BBX: variants seen among roughly 807,000 people sequenced by gnomAD.
BBX encodes BBX high mobility group box domain containing, also known as HMG box transcription factor BBX.
In BBX, 30 loss-of-function variants were observed where a neutral mutation model predicts 100.2. The ratio of observed to expected loss-of-function variants is 0.30; its 90% CI spans 0.22 to 0.41. The LOEUF is 0.41. Among genes scored for constraint, BBX ranks in the 10% least tolerant of loss-of-function variants. The pLI is 1.00. For missense variants in BBX, 1,023 were observed against 1,129.8 expected (o/e 0.91, Z 1.35); for synonymous variants, 376 against 388.1 (o/e 0.97, Z 0.37).
In BBX at chr3:107,728,840, A is replaced by C. The variant is rs765287405; in HGVS notation, c.481A>C (p.Thr161Pro). The C allele has an allele frequency of 1.2e-6, 2 of 1,613,940 alleles. No homozygotes were observed. Among genetic ancestry groups the C allele is most frequent in the South Asian group, 2.2e-5 (2 of 91,072 alleles). The change falls in exon 6 of 18, where the codon ACA becomes CCA. Residue 161 changes from threonine (T) to proline (P), a missense_variant. This residue lies in a region of BBX where 229 missense variants were observed against 226.3 expected (regional missense o/e 1.01). Transcript: ENST00000325805. The part of the protein sequence containing the change: ...PTTNKPVKSP[T>P]PTVNPRKKLW... ...CACAAACAAGCCTGTGAAATCCCCAACACCCACTGTCAATCCACGAAAGAA... is the reference window on the plus strand; with the variant it reads ...CACAAACAAGCCTGTGAAATCCCCACCACCCACTGTCAATCCACGAAAGAA...
chr3:107,524,890 G>A (rs2047639604), intron 1 of BBX, among the ~76,000 whole-genome samples: 1 of 151,618 alleles, frequency 6.6e-6, no homozygotes, highest in South Asian at 2.1e-4. Flanking sequence ...CATTGGCCTG[G>A]GGCTTTGAAA....
intron 4 of BBX, among the ~76,000 whole-genome samples, chr3:107,712,679 G>A (rs533948069): frequency 3.6e-4 from 54 of 152,048 alleles, no homozygotes; most frequent in African/African-American, 1.1e-3. Flanking sequence ...CCTCTCTCCC[G>A]GCCTCTGCTC....
chr3:107,782,626 AC>A (rs2068011683), intron 13 of BBX, among the ~76,000 whole-genome samples: 1 of 151,958 alleles, frequency 6.6e-6, no homozygotes, highest in South Asian at 2.1e-4. Context: ...TTTTCAGCAA[AC>A]CTTGAACAAG....
intron 10 of BBX, among the ~76,000 whole-genome samples, chr3:107,762,559 A>G (rs1036140911): frequency 1.3e-5 from 2 of 152,230 alleles, no homozygotes; most frequent in Non-Finnish European, 2.9e-5. Flanking sequence ...CACTGCTAAA[A>G]TGCCATCCTA....
chr3:107,804,770 C>CATGTG (rs2070912094), intron 17 of BBX, among the ~76,000 whole-genome samples: 2 of 151,256 alleles, frequency 1.3e-5, no homozygotes. Flanking sequence ...ACTCTCTGTC[C>CATGTG]ATGTGCATGT....
intron 3 of BBX, among the ~76,000 whole-genome samples, chr3:107,660,506 A>T (rs1464940209): frequency 8.1e-4 from 2 of 2,470 alleles, no homozygotes; most frequent in Non-Finnish European, 1.4e-3. Context: ...AAAAAGCATT[A>T]AAAAAAAAAA....
intron 2 of BBX, among the ~76,000 whole-genome samples, chr3:107,584,798 TCTC>T (rs1450994184): frequency 2.1e-5 from 3 of 146,026 alleles, no homozygotes; most frequent in East Asian, 4.3e-4. Context: ...TTCAAGCAGT[TCTC>T]CTGCTTCAGC....
At chr3:107,554,982 C>T (rs552636333) in intron 2 of BBX, among the ~76,000 whole-genome samples, 2 of 151,078 alleles carry the variant, frequency 1.3e-5, no homozygotes, top group Non-Finnish European at 2.9e-5. Context: ...GCAGGAGAAT[C>T]GCTTGAACCT....
chr3:107,664,142 T>C (rs2058618075), intron 3 of BBX, among the ~76,000 whole-genome samples: 1 of 152,144 alleles, frequency 6.6e-6, no homozygotes, highest in South Asian at 2.1e-4. Context: ...ATTTTTGTCA[T>C]TGGAAATAAA....
intron 6 of BBX, among the ~76,000 whole-genome samples, chr3:107,731,656 A>G (rs1217499679): frequency 6.6e-6 from 1 of 151,244 alleles, no homozygotes; most frequent in Non-Finnish European, 1.5e-5. Context: ...TCCTCTAATA[A>G]CCTCTTCCCC....
intron 10 of BBX, among the ~76,000 whole-genome samples, chr3:107,760,061 ATTC>A (rs2065775104): frequency 6.6e-6 from 1 of 152,222 alleles, no homozygotes; most frequent in African/African-American, 2.4e-5. Context: ...AGCTACTATC[ATTC>A]TTCTTTTACA....
chr3:107,807,636 A>ACCCT lies in BBX; in HGVS notation c.*2182_*2185dup, dbSNP rs1419685564. 4 of 151,312 alleles carry ACCCT rather than the reference A, an allele frequency of 2.6e-5. No homozygotes were observed. The highest frequency in any genetic ancestry group is 9.7e-5 in the African/African-American group (4 of 41,136). 9.4% of individuals were successfully genotyped at this position (151,312 alleles called of 1,614,324 possible). On this transcript the variant is annotated 3_prime_UTR_variant, in exon 18 of 18. Transcript: ENST00000325805. ...AGAATAGATCTATTTTTGCCAGAGC[A>ACCCT]CCCTCCTTCAGTCCTCCGATTACAT...
rs185867475 is a variant in BBX at position 107,608,868 on chromosome 3, C to T, written c.-83-36968C>T. Among the ~76,000 whole-genome samples, 386 of 151,958 alleles carry T rather than the reference C, an allele frequency of 2.5e-3. 3 individuals are homozygous for T. The highest frequency in any genetic ancestry group is 8.9e-3 in the African/African-American group (371 of 41,468). On this transcript the variant is annotated intron_variant, in intron 2 of 17. Coordinates refer to ENST00000325805, the MANE Select transcript of BBX (RefSeq NM_001142568.3). ...TTTTTGACTTCTTTTTCAGATTGTT[C>T]GCATATAGAAATGCTACTGATTTTA...
intron 9 of BBX, among the ~76,000 whole-genome samples, chr3:107,753,249 G>C (rs1026702347): frequency 2.0e-5 from 3 of 152,174 alleles, no homozygotes; most frequent in Non-Finnish European, 4.4e-5. Flanking sequence ...GGAAATTAAC[G>C]TATGCCCAGT....
At chr3:107,605,314 A>G (rs1484000454) in intron 2 of BBX, among the ~76,000 whole-genome samples, 1 of 151,992 alleles carries the variant, frequency 6.6e-6, no homozygotes, top group Non-Finnish European at 1.5e-5. Context: ...TTTGTCATTT[A>G]GGATAAGACT....
chr3:107,742,244 C>A (rs1346080359), intron 7 of BBX, among the ~76,000 whole-genome samples: 1 of 151,674 alleles, frequency 6.6e-6, no homozygotes, highest in Non-Finnish European at 1.5e-5. Context: ...TTCTTTACAG[C>A]TTTTCTGTCT....
intron 2 of BBX, among the ~76,000 whole-genome samples, chr3:107,555,321 A>G (rs1444695045): frequency 2.0e-5 from 3 of 152,192 alleles, no homozygotes; most frequent in Non-Finnish European, 2.9e-5. Context: ...AAGATTTTCT[A>G]TATACCTAGC....
chr3:107,546,200 C>A (rs1411152913), intron 2 of BBX, among the ~76,000 whole-genome samples: 1 of 152,162 alleles, frequency 6.6e-6, no homozygotes, highest in Non-Finnish European at 1.5e-5. Context: ...AGATCTAAGA[C>A]CTGGGAGCTA....
intron 2 of BBX, among the ~76,000 whole-genome samples, chr3:107,617,499 T>A (rs2055384038): frequency 6.6e-6 from 1 of 152,204 alleles, no homozygotes; most frequent in Non-Finnish European, 1.5e-5. Flanking sequence ...AGTTTTCTAA[T>A]TCATGAACAC....
Sources: gnomAD v4.1 joint callset for allele counts (sites outside exome capture counted in the v4.1 genomes callset) on GRCh38, gnomAD v4.1.1 for gene constraint, gnomAD v4.1.1 regional missense constraint, MANE v1.5 for transcripts, NCBI Gene and HGNC (gene_info 2026-07-23, HGNC 2026-07-21) for gene names.